Variants in ERCC1 observed in about 807,000 individuals in gnomAD.
ERCC1 encodes the protein DNA excision repair protein ERCC-1.
A neutral mutation model predicts 37.6 loss-of-function variants in ERCC1; 36 were observed. That is an observed-to-expected ratio of 0.96 (90% CI 0.73 to 1.26). The LOEUF (loss-of-function observed/expected upper bound fraction) is 1.26. ERCC1 is among the 50% of genes most tolerant of loss of function. The probability of loss-of-function intolerance (pLI) is 0.00; values close to 1 mark genes in which losing one functional copy is unlikely to be tolerated. For missense variants in ERCC1, 349 were observed against 376.5 expected, an observed-to-expected ratio of 0.93 and a Z score of 0.60; for synonymous variants, 156 against 162.1, an observed-to-expected ratio of 0.96 and a Z score of 0.28.
chr19:45,442,853 T>C (rs1457413165), intron 1 of ERCC1, among the ~76,000 whole-genome samples: 2 of 151,930 alleles, frequency 1.3e-5, no homozygotes, highest in Non-Finnish European at 2.9e-5. Context: ...CAGCAGGGCG[T>C]GGCCCCTCCT....
intron 1 of ERCC1, among the ~76,000 whole-genome samples, chr19:45,443,534 C>G (rs1975174419): frequency 6.6e-6 from 1 of 152,190 alleles, no homozygotes; most frequent in Admixed American, 6.5e-5. Flanking sequence ...TCACGAGCCG[C>G]TCCCCCAGGA....
At position 45,408,376 on chromosome 19, in the gene ERCC1, T is replaced by C. The variant is rs538270415; in HGVS notation, c.*1299A>G. 4 of 1,608,140 alleles carry C rather than the reference T, an allele frequency of 2.5e-6. No individual in the cohort carries two copies. The South Asian group carries it at 4.4e-5, about 18-fold the overall frequency. On this transcript the variant is annotated 3_prime_UTR_variant, in exon 10 of 10. Transcript: ENST00000300853. ...GCCCTCTGCAGCCCATCCCAGCAAG[T>C]CCCCCACCACAGATCCCTCCTGGCC...
intron 1 of ERCC1, chr19:45,428,952 G>C (rs1974770851): frequency 6.6e-6 from 1 of 152,194 alleles, no homozygotes; most frequent in South Asian, 2.1e-4. Context: ...CGCGGGAGCC[G>C]CCGGGGGCTG....
At chr19:45,434,359 C>T (rs1470422533) in intron 1 of ERCC1, among the ~76,000 whole-genome samples, 2 of 150,162 alleles carry the variant, frequency 1.3e-5, no homozygotes, top group African/African-American at 2.5e-5. Flanking sequence ...GGCTTGGTGG[C>T]ATGTGCCTGT....
intron 1 of ERCC1, among the ~76,000 whole-genome samples, chr19:45,439,754 G>A (rs921719972): frequency 1.3e-5 from 2 of 152,036 alleles, no homozygotes; most frequent in Non-Finnish European, 1.5e-5. Context: ...GGAGGCGGGT[G>A]TGCACGCGGG....
chr19:45,431,980 T>C (rs1974844613), intron 1 of ERCC1, among the ~76,000 whole-genome samples: 1 of 152,156 alleles, frequency 6.6e-6, no homozygotes, highest in East Asian at 1.9e-4. Flanking sequence ...TTTTATTTTT[T>C]TATTTTTTTG....
intron 1 of ERCC1, among the ~76,000 whole-genome samples, chr19:45,430,838 T>G (rs114872251): frequency 6.6e-6 from 1 of 151,670 alleles, no homozygotes; most frequent in Non-Finnish European, 1.5e-5. Flanking sequence ...AATTGGGAGA[T>G]GAAGTTTGCA....
intron 1 of ERCC1, among the ~76,000 whole-genome samples, chr19:45,432,283 T>TTTTTTATTATTATTATTA (rs113298304): frequency 6.9e-6 from 1 of 145,944 alleles, no homozygotes; most frequent in African/African-American, 2.5e-5. Context: ...ACAAAATTAA[T>TTTTTTATTATTATTATTA]TTATTATTAT....
At chr19:45,440,115 C>G (rs1975082499) in intron 1 of ERCC1, among the ~76,000 whole-genome samples, 1 of 151,680 alleles carries the variant, frequency 6.6e-6, no homozygotes, top group Non-Finnish European at 1.5e-5. Flanking sequence ...CACACTCGCC[C>G]CCGACTGCGA....
At chr19:45,423,148 TCC>T (rs1042231332) in intron 2 of ERCC1, 120 bp downstream of exon 2, 101 of 926,156 alleles carry the variant, frequency 1.1e-4, no homozygotes, top group Non-Finnish European at 1.4e-4. Flanking sequence ...AAGGACTGTT[TCC>T]CCAAGTCGTC....
chr19:45,440,042 T>C (rs1975080114), intron 1 of ERCC1, among the ~76,000 whole-genome samples: 1 of 152,062 alleles, frequency 6.6e-6, no homozygotes. Context: ...GGAGCGGTGC[T>C]GGGCGCAGCC....
At position 45,408,057 on chromosome 19, in the gene ERCC1, A is replaced by G; in HGVS notation, c.*1618T>C. 6.8e-7 allele frequency: 1 copy of G among 1,476,072 alleles called. No individual in the cohort carries two copies. Among genetic ancestry groups the G allele is most frequent in the Non-Finnish European group, 8.9e-7 (1 of 1,124,288 alleles). 91.4% of individuals were successfully genotyped at this position (1,476,072 alleles called of 1,614,324 possible). A position where few individuals can be genotyped will look rare whatever the true frequency, so the allele number is the denominator to read the frequency against. ...CAACAGAGCAAGACTCTCTCAAAAA[A>G]AAACAAAAAAAAAATCAAAAAACCT... On this transcript the variant is annotated 3_prime_UTR_variant, in exon 10 of 10. Transcript: ENST00000300853.
Position 45,414,382 on chromosome 19 carries a change from CAGG to C in ERCC1, c.703-351_703-349del, listed in dbSNP as rs761049522. 105 of 379,338 alleles carry C rather than the reference CAGG, an allele frequency of 2.8e-4. 1 individual carries two copies. Among genetic ancestry groups the C allele is most frequent in the Admixed American group, 5.3e-4 (14 of 26,358 alleles). 23.5% of individuals were successfully genotyped at this position (379,338 alleles called of 1,614,324 possible). ...GTCCCAGCTACTCAGGAGGCTCAGGCAGGAGAATCACTTGAACCTGGGAGGCAG... is the reference window on the plus strand; with the variant it reads ...GTCCCAGCTACTCAGGAGGCTCAGGCAGAATCACTTGAACCTGGGAGGCAG... On this transcript the variant is annotated intron_variant, in intron 7 of 9. Coordinates refer to ENST00000300853, the MANE Select transcript of ERCC1 (RefSeq NM_001983.4).
intron 1 of ERCC1, among the ~76,000 whole-genome samples, chr19:45,441,039 G>A (rs1476261175): frequency 1.3e-5 from 2 of 152,162 alleles, no homozygotes; most frequent in Non-Finnish European, 2.9e-5. Flanking sequence ...TACAGAGCCC[G>A]CCTCCACTAA....
At chr19:45,428,757 G>A (rs1238417220), upstream of ERCC1, among the ~76,000 whole-genome samples, 1 of 152,214 alleles carries the variant, frequency 6.6e-6, no homozygotes, top group Non-Finnish European at 1.5e-5. Flanking sequence ...ACCGCCGGGG[G>A]GCGCAGTGAC....
chr19:45,439,410 A>G (rs1053491308), intron 1 of ERCC1, among the ~76,000 whole-genome samples: 2 of 152,114 alleles, frequency 1.3e-5, no homozygotes, highest in Non-Finnish European at 2.9e-5. Flanking sequence ...GTAGTTAATA[A>G]TAATAGGCCG....
chr19:45,444,637 C>G (rs1046529850), intron 1 of ERCC1, among the ~76,000 whole-genome samples: 2 of 152,140 alleles, frequency 1.3e-5, no homozygotes, highest in Non-Finnish European at 2.9e-5. Flanking sequence ...GCAAGAAATT[C>G]GGAGACATGC....
chr19:45,447,001 A>G (rs1186989096), intron 1 of ERCC1, among the ~76,000 whole-genome samples: 1 of 152,114 alleles, frequency 6.6e-6, no homozygotes, highest in Non-Finnish European at 1.5e-5. Flanking sequence ...CTGTCTAAAA[A>G]AAAAGAAAAG....
chr19:45,408,741 G>A lies in ERCC1; in HGVS notation c.*934C>T, dbSNP rs1341053378. The A allele has an allele frequency of 8.1e-6, 13 of 1,613,700 alleles. No homozygotes were observed. Among genetic ancestry groups the A allele is most frequent in the African/African-American group, 2.7e-5 (2 of 74,832 alleles). On this transcript the variant is annotated 3_prime_UTR_variant, in exon 10 of 10. Coordinates refer to ENST00000300853, the MANE Select transcript of ERCC1 (RefSeq NM_001983.4). ...ACCAAGAAGAGGAAGAAGCCCAAAG[G>A]GAAAGAAACCTTCGAGCCAGAAGAC...
Sources: allele counts gnomAD v4.1 joint callset (sites outside exome capture counted in the v4.1 genomes callset), GRCh38; gene constraint gnomAD v4.1.1; transcripts MANE v1.5; gene names NCBI Gene and HGNC (gene_info 2026-07-23, HGNC 2026-07-21).